CACNA1H: variants seen among roughly 807,000 people sequenced by gnomAD.
The protein encoded by CACNA1H is calcium voltage-gated channel subunit alpha1 H.
A neutral mutation model predicts 192.5 loss-of-function variants in CACNA1H; 149 were observed. That is an observed-to-expected ratio of 0.77 (90% CI 0.68 to 0.89). The LOEUF (loss-of-function observed/expected upper bound fraction) is 0.89, where lower values mean the gene tolerates loss of function less well. Ranked by LOEUF, CACNA1H falls within the 40% of genes least tolerant of loss-of-function variation. The pLI is 0.00. For synonymous variants in CACNA1H, 2,202 were observed against 1,475.2 expected (o/e 1.49, Z -11.29); for missense variants, 4,257 against 3,423.5 (o/e 1.24, Z -6.08).
At chr16:1,202,572 T>A (rs1968095514) in intron 9 of CACNA1H, 120 bp downstream of exon 9, 1 of 894,494 alleles carries the variant, frequency 1.1e-6, no homozygotes, top group African/African-American at 1.7e-5. Flanking sequence ...CTTTGACTTG[T>A]GAAACAGACC....
chr16:1,205,227 C>G lies in CACNA1H; in HGVS notation c.2565C>G (p.Asn855Lys), dbSNP rs2141289290. 1.2e-6 allele frequency: 2 copies of G among 1,612,662 alleles called. No individual in the cohort carries two copies. The highest frequency in any genetic ancestry group is 1.7e-6 in the Non-Finnish European group (2 of 1,179,504). The change falls in exon 11 of 35, where the codon AAC becomes AAG. Residue 855 changes from asparagine (N) to lysine (K), a missense_variant. Physicochemically the swap from Asn to Lys is moderately conservative, Grantham distance 94. Transcript: ENST00000348261. ...LACGPLGYIR[N>K]PYNIFDGIIV... ...GCGGCCCTCTGGGCTACATCCGGAACCCGTACAACATCTTCGACGGCATCA... is the reference window on the plus strand; with the variant it reads ...GCGGCCCTCTGGGCTACATCCGGAAGCCGTACAACATCTTCGACGGCATCA...
intron 2 of CACNA1H, among the ~76,000 whole-genome samples, chr16:1,155,678 G>C (rs928860995): frequency 6.6e-6 from 1 of 152,156 alleles, no homozygotes; most frequent in African/African-American, 2.4e-5. Flanking sequence ...CACAGCCCCG[G>C]GCCTGGCTGT....
intron 2 of CACNA1H, among the ~76,000 whole-genome samples, chr16:1,170,181 C>T (rs1964219737): frequency 6.6e-6 from 1 of 152,062 alleles, no homozygotes; most frequent in African/African-American, 2.4e-5. Flanking sequence ...TGACCCCAGC[C>T]CACCCGGGTG....
At chr16:1,173,275 T>G (rs1159464941) in intron 2 of CACNA1H, among the ~76,000 whole-genome samples, 1 of 151,944 alleles carries the variant, frequency 6.6e-6, no homozygotes. Context: ...TTTGGGTGGG[T>G]GGCATCGGGA....
Position 1,153,426 on chromosome 16 carries a change from C to T in CACNA1H, c.-63C>T, listed in dbSNP as rs1961834920. ...CGAGCGGGGTCCGCGGTGACCGCGC[C>T]GCCCGGGCGATGCCCGCGGGGACGC... On this transcript the variant is annotated 5_prime_UTR_variant, in exon 1 of 35. Transcript: ENST00000348261. The T allele has an allele frequency of 6.7e-6, 1 of 149,448 alleles. No individual in the cohort carries two copies. The highest frequency in any genetic ancestry group is 6.8e-5 in the Admixed American group (1 of 14,784). The allele number at this position is 149,448 out of a possible 1,614,324, so 9.3% of individuals were successfully genotyped here. A position where few individuals can be genotyped will look rare whatever the true frequency, so the allele number is the denominator to read the frequency against.
chr16:1,220,229 G>C lies in CACNA1H; in HGVS notation c.6297G>C (p.Glu2099Asp), dbSNP rs761937821. The C allele has an allele frequency of 5.1e-6, 8 of 1,581,390 alleles. No individual in the cohort carries two copies. The highest frequency in any genetic ancestry group is 6.8e-6 in the Non-Finnish European group (8 of 1,169,108). Residue 2099 changes from glutamate (E) to aspartate (D), a missense_variant, in exon 35 of 35, where the codon GAG (glutamate) becomes GAC (aspartate). Glu to Asp is a conservative substitution (Grantham distance 45, BLOSUM62 2). Transcript: ENST00000348261. ...EEAEASDPAD[E>D]EVSHITSSAC... ...CCGAGGCCTCGGACCCAGCCGACGA[G>C]GAGGTCAGCCACATCACCAGCTCCG...
chr16:1,165,379 T>C (rs1169842585), intron 2 of CACNA1H, among the ~76,000 whole-genome samples: 1 of 152,192 alleles, frequency 6.6e-6, no homozygotes, highest in Non-Finnish European at 1.5e-5. Flanking sequence ...CGCTCTTTCG[T>C]GACAGCACAG....
rs1319531924 is a variant in CACNA1H, at chr16:1,209,028, C to G, written c.3364-4C>G. On this transcript the variant is annotated splice_region_variant and splice_polypyrimidine_tract_variant and intron_variant, in intron 16 of 34. Transcript: ENST00000348261. ...CCAGGTCACTGACTCCCGCCACCCC[C>G]CAGGCCAGCCTCCGAAGTTCTCCCT... is the stretch of plus-strand genomic sequence containing the variant. 3 of 1,501,044 alleles carry G rather than the reference C, an allele frequency of 2.0e-6. No homozygotes were observed. Among genetic ancestry groups the G allele is most frequent in the Non-Finnish European group, 2.6e-6 (3 of 1,133,084 alleles). 93.0% of individuals were successfully genotyped at this position (1,501,044 alleles called of 1,614,324 possible). A position where few individuals can be genotyped will look rare whatever the true frequency, so the allele number is the denominator to read the frequency against.
intron 2 of CACNA1H, among the ~76,000 whole-genome samples, chr16:1,175,323 G>A (rs540366895): frequency 2.0e-4 from 31 of 152,298 alleles, no homozygotes; most frequent in Admixed American, 9.1e-4. Flanking sequence ...GGGGAGCCCC[G>A]GGAGGGCCAC....
At chr16:1,210,214 G>A (rs1969262579) in intron 18 of CACNA1H, 79 bp downstream of exon 18, 4 of 1,314,804 alleles carry the variant, frequency 3.0e-6, no homozygotes, top group African/African-American at 2.9e-5. Flanking sequence ...CCTGGGTGGG[G>A]CTAGCACATG....
At position 1,211,186 on chromosome 16, in the gene CACNA1H, G is replaced by A. The variant is rs753435397; in HGVS notation, c.4242G>A (p.Pro1414=). The A allele has an allele frequency of 4.1e-5, 66 of 1,612,732 alleles. No homozygotes were observed. In the South Asian group the frequency reaches 6.3e-4, roughly 15 times the overall value. Residue 1414 remains proline (P), a synonymous_variant, in exon 22 of 35, where the codon CCG becomes CCA. Coordinates refer to ENST00000348261, the MANE Select transcript of CACNA1H (RefSeq NM_021098.3). ...CCTCCAGGGTCATCAGCCGGGCCCC[G>A]GGCCTCAAGCTGGTGGTGGAGACGC... ...LRPLRVISRA[P]GLKLVVETLI...
intron 2 of CACNA1H, among the ~76,000 whole-genome samples, chr16:1,189,893 G>A (rs1966447428): frequency 6.6e-6 from 1 of 152,228 alleles, no homozygotes; most frequent in African/African-American, 2.4e-5. Context: ...CGTGAGCCCA[G>A]TCCAGTGGGG....
At chr16:1,159,893 A>AG (rs1491103114) in intron 2 of CACNA1H, 2 of 150,350 alleles carry the variant, frequency 1.3e-5, no homozygotes, top group Non-Finnish European at 3.0e-5. Context: ...TGGAACGCTC[A>AG]GGGGTGGTTC....
Position 1,215,563 on chromosome 16 carries a change from G to T in CACNA1H, c.5214G>T (p.Leu1738=). The change falls in exon 30 of 35, where the codon CTG becomes CTT. Residue 1738 remains leucine (L), a synonymous_variant. Transcript: ENST00000348261. ...AGATGGCTACGGGCATGCGCGCCCT[G>T]CTGGACACTGTGGTGCAAGCTCTCC... ...LLKMATGMRA[L]LDTVVQALPQ... 6.2e-7 allele frequency: 1 copy of T among 1,611,824 alleles called. No individual in the cohort carries two copies.
At chr16:1,184,851 C>T (rs552743462) in intron 2 of CACNA1H, among the ~76,000 whole-genome samples, 3 of 152,336 alleles carry the variant, frequency 2.0e-5, no homozygotes, top group South Asian at 4.1e-4. Flanking sequence ...GGAACGCAGG[C>T]TGTGGTGATG....
chr16:1,207,466 G>A (rs1450351441), intron 14 of CACNA1H, 36 bp downstream of exon 14: 3 of 1,602,540 alleles, frequency 1.9e-6, no homozygotes, highest in South Asian at 1.1e-5. Flanking sequence ...CAGGAGGAGG[G>A]CGATGAGAAG....
At chr16:1,165,356 T>A (rs62012314) in intron 2 of CACNA1H, among the ~76,000 whole-genome samples, 45 of 152,294 alleles carry the variant, frequency 3.0e-4, no homozygotes, top group Non-Finnish European at 6.3e-4. Flanking sequence ...AGCCTGCTGG[T>A]CCTCCCGGGC....
At chr16:1,217,516 A>G (rs1042448645) in intron 31 of CACNA1H, among the ~76,000 whole-genome samples, 1 of 152,008 alleles carries the variant, frequency 6.6e-6, no homozygotes, top group African/African-American at 2.4e-5. Context: ...CAGGCAGCCC[A>G]GTCCCTGCAG....
chr16:1,210,344 CCTCT>C, intron 18 of CACNA1H, 22 bp from the exon 19 acceptor site: 2 of 1,051,204 alleles, frequency 1.9e-6, no homozygotes, highest in Non-Finnish European at 2.8e-6. Context: ...CCCCGCCCCA[CCTCT>C]CACCCGCCCC....
Sources: allele counts gnomAD v4.1 joint callset (sites outside exome capture counted in the v4.1 genomes callset), GRCh38; gene constraint gnomAD v4.1.1; transcripts MANE v1.5; gene names NCBI Gene and HGNC (gene_info 2026-07-23, HGNC 2026-07-21).